Variants in PLCL1 observed in about 807,000 individuals in gnomAD.
The protein encoded by PLCL1 is phospholipase C like 1 (inactive).
In PLCL1, 41 loss-of-function variants were observed where a neutral mutation model predicts 84.4. The ratio of observed to expected loss-of-function variants is 0.49; its 90% CI spans 0.38 to 0.63. The LOEUF is 0.63. Ranked by LOEUF, PLCL1 falls within the 30% of genes least tolerant of loss-of-function variation. The pLI, the probability that PLCL1 is intolerant of heterozygous loss-of-function variation, is 0.00. For missense variants in PLCL1, 1,206 were observed against 1,367.8 expected (o/e 0.88, Z 1.87); for synonymous variants, 490 against 488.3 (o/e 1.00, Z -0.05).
At chr2:197,882,409 G>A (rs1687844793) in intron 1 of PLCL1, among the ~76,000 whole-genome samples, 2 of 152,052 alleles carry the variant, frequency 1.3e-5, no homozygotes, top group Admixed American at 6.6e-5. Flanking sequence ...AAAATTTATG[G>A]GAAGGACTTG....
chr2:197,847,668 T>A (rs1687148838), intron 1 of PLCL1, among the ~76,000 whole-genome samples: 1 of 152,234 alleles, frequency 6.6e-6, no homozygotes, highest in Non-Finnish European at 1.5e-5. Context: ...TTTTCCCTCA[T>A]GTAATTCATG....
rs962276589 is a variant in PLCL1, at chr2:198,147,001, G to A, written c.*39G>A. 7.4e-6 allele frequency: 11 copies of A among 1,494,878 alleles called. No homozygotes were observed. The highest frequency in any genetic ancestry group is 1.4e-5 in the African/African-American group (1 of 71,324). 92.6% of individuals were successfully genotyped at this position (1,494,878 alleles called of 1,614,324 possible). A position where few individuals can be genotyped will look rare whatever the true frequency, so the allele number is the denominator to read the frequency against. On this transcript the variant is annotated 3_prime_UTR_variant, in exon 6 of 6. Transcript: ENST00000428675. ...CGACACGTTCACCCATCTTATCAAGGACTCTGGTTTCTCATTCTTGTTTTC... is the reference window on the plus strand; with the variant it reads ...CGACACGTTCACCCATCTTATCAAGAACTCTGGTTTCTCATTCTTGTTTTC...
chr2:198,138,704 A>G (rs953698770), intron 5 of PLCL1, among the ~76,000 whole-genome samples: 6 of 152,300 alleles, frequency 3.9e-5, no homozygotes, highest in African/African-American at 1.4e-4. Flanking sequence ...ATTGCTACAC[A>G]GTAATATTGG....
chr2:197,851,342 G>C (rs1687232271), intron 1 of PLCL1, among the ~76,000 whole-genome samples: 3 of 152,206 alleles, frequency 2.0e-5, no homozygotes, highest in Non-Finnish European at 4.4e-5. Flanking sequence ...AAAACAGTCA[G>C]TACAGATGCA....
At chr2:198,061,634 C>T (rs1330881227) in intron 1 of PLCL1, among the ~76,000 whole-genome samples, 1 of 152,142 alleles carries the variant, frequency 6.6e-6, no homozygotes, top group African/African-American at 2.4e-5. Context: ...AAGTCTCGCT[C>T]TGTCGCCCAG....
chr2:198,069,625 T>G (rs964534572), intron 1 of PLCL1, among the ~76,000 whole-genome samples: 4 of 152,224 alleles, frequency 2.6e-5, no homozygotes, highest in African/African-American at 4.8e-5. Flanking sequence ...TCTGCAGATA[T>G]TCTCAGGAGG....
chr2:198,017,690 A>C (rs1478389786), intron 1 of PLCL1, among the ~76,000 whole-genome samples: 2 of 152,240 alleles, frequency 1.3e-5, no homozygotes, highest in African/African-American at 2.4e-5. Flanking sequence ...ATAGGCACAC[A>C]TAAGAATGTT....
intron 1 of PLCL1, among the ~76,000 whole-genome samples, chr2:197,832,635 C>T (rs1467128444): frequency 2.0e-5 from 3 of 152,186 alleles, no homozygotes; most frequent in Non-Finnish European, 4.4e-5. Flanking sequence ...AGAGGGACTC[C>T]TCCCTAACTC....
intron 1 of PLCL1, among the ~76,000 whole-genome samples, chr2:197,869,259 T>G (rs1687603685): frequency 6.6e-6 from 1 of 152,160 alleles, no homozygotes; most frequent in South Asian, 2.1e-4. Context: ...TCAAATTGCT[T>G]CCACATGGGC....
In PLCL1 at chr2:197,805,155, G is replaced by A. The variant is rs1690441880; in HGVS notation, c.56G>A (p.Gly19Asp). The A allele has an allele frequency of 5.4e-6, 7 of 1,308,168 alleles. No homozygotes were observed. Among genetic ancestry groups the A allele is most frequent in the Non-Finnish European group, 5.8e-6 (6 of 1,033,518 alleles). 81.0% of individuals were successfully genotyped at this position (1,308,168 alleles called of 1,614,324 possible). Residue 19 changes from glycine (G) to aspartate (D), a missense_variant, in exon 1 of 6, where the codon GGC becomes GAC. By Grantham distance (94) the Gly-to-Asp change is moderately conservative. Transcript: ENST00000428675. The surrounding 1 kb of genome is among the most constrained non-coding windows in gnomAD (Gnocchi z 4.0). ...CCGGCGCCGCCCGACGCGGCGGGGG[G>A]CGAAGACGACCCCCGAGTGGGCCCG... ...EDPAPPDAAG[G>D]EDDPRVGPDA...
chr2:198,118,187 T>C (rs901964707), intron 5 of PLCL1, among the ~76,000 whole-genome samples: 4 of 151,940 alleles, frequency 2.6e-5, no homozygotes, highest in Non-Finnish European at 2.9e-5. Context: ...TAATTACAAA[T>C]GCCATCAAGA....
chr2:198,130,205 T>A (rs1020724094), intron 5 of PLCL1, among the ~76,000 whole-genome samples: 4 of 152,164 alleles, frequency 2.6e-5, no homozygotes, highest in Admixed American at 2.6e-4. Flanking sequence ...TTTCCCAGGC[T>A]GACTCCCCAC....
intron 1 of PLCL1, among the ~76,000 whole-genome samples, chr2:197,833,862 A>G (rs2105659305): frequency 6.6e-6 from 1 of 152,358 alleles, no homozygotes; most frequent in Non-Finnish European, 1.5e-5. Flanking sequence ...AGCCAAGACA[A>G]TCCCCAGCAA....
At chr2:198,091,279 T>C (rs202023490) in intron 3 of PLCL1, among the ~76,000 whole-genome samples, 2 of 152,326 alleles carry the variant, frequency 1.3e-5, no homozygotes, top group East Asian at 3.9e-4. Flanking sequence ...CCATTTTTAC[T>C]TTCTAGGATT....
intron 1 of PLCL1, among the ~76,000 whole-genome samples, chr2:197,918,700 T>C (rs1688642480): frequency 6.6e-6 from 1 of 152,110 alleles, no homozygotes; most frequent in Non-Finnish European, 1.5e-5. Context: ...GGCAGGCAGA[T>C]AGCTTGAGCC....
At chr2:197,927,033 G>A (rs1166322889) in intron 1 of PLCL1, among the ~76,000 whole-genome samples, 1 of 152,188 alleles carries the variant, frequency 6.6e-6, no homozygotes, top group East Asian at 1.9e-4. Context: ...ACATGTGGCA[G>A]CTAAGTTCCA....
chr2:197,807,119 T>G (rs1401493813), intron 1 of PLCL1, among the ~76,000 whole-genome samples: 1 of 152,230 alleles, frequency 6.6e-6, no homozygotes, highest in Non-Finnish European at 1.5e-5. Context: ...AAGTGAATTA[T>G]TATGTTAGGT....
At chr2:197,893,400 G>T (rs949686358) in intron 1 of PLCL1, among the ~76,000 whole-genome samples, 1 of 152,174 alleles carries the variant, frequency 6.6e-6, no homozygotes, top group Non-Finnish European at 1.5e-5. Context: ...TTGGGAGTGA[G>T]ATAGGTGGCA....
chr2:197,894,866 G>A (rs2105729765), intron 1 of PLCL1, among the ~76,000 whole-genome samples: 1 of 152,032 alleles, frequency 6.6e-6, no homozygotes, highest in South Asian at 2.1e-4. Flanking sequence ...TTTTCCAAGT[G>A]AGGATAGGGG....
Sources: allele counts gnomAD v4.1 joint callset (sites outside exome capture counted in the v4.1 genomes callset), GRCh38; gene constraint gnomAD v4.1.1; non-coding constraint Gnocchi (gnomAD v3.1); transcripts MANE v1.5; gene names NCBI Gene and HGNC (gene_info 2026-07-23, HGNC 2026-07-21).